Variants in CPZ observed in about 807,000 individuals in gnomAD.
CPZ encodes the protein carboxypeptidase Z.
Under a neutral mutation model 61.8 loss-of-function variants are expected in CPZ, and 103 were observed. That is an observed-to-expected ratio of 1.67 (90% CI 1.42 to 1.96). The LOEUF (loss-of-function observed/expected upper bound fraction) is 1.96, where lower values mean the gene tolerates loss of function less well. Among genes scored for constraint, CPZ ranks in the 30% most tolerant of loss-of-function variants. The pLI, the probability that CPZ is intolerant of heterozygous loss-of-function variation, is 0.00. For synonymous variants in CPZ, 551 were observed against 373.7 expected (o/e 1.47, Z -5.47); for missense variants, 1,461 against 914.9 (o/e 1.60, Z -7.70).
At chr4:8,618,964 G>A (rs1031164109) in intron 10 of CPZ, among the ~76,000 whole-genome samples, 1 of 152,128 alleles carries the variant, frequency 6.6e-6, no homozygotes, top group Non-Finnish European at 1.5e-5. Context: ...TGTGTTACCT[G>A]GCAGAGATGT....
At chr4:8,615,731 C>G (rs1716109351) in intron 9 of CPZ, among the ~76,000 whole-genome samples, 1 of 152,188 alleles carries the variant, frequency 6.6e-6, no homozygotes, top group Admixed American at 6.5e-5. Flanking sequence ...AGTGACATGG[C>G]CTGTCTGGTG....
chr4:8,603,953 G>C, intron 3 of CPZ, 23 bp from the exon 4 acceptor site: 5 of 1,605,978 alleles, frequency 3.1e-6, no homozygotes, highest in Non-Finnish European at 4.3e-6. Flanking sequence ...GACACTGACT[G>C]AGCCCCCCCA....
At chr4:8,593,559 C>T (rs547809719) in intron 1 of CPZ, among the ~76,000 whole-genome samples, 6 of 152,290 alleles carry the variant, frequency 3.9e-5, no homozygotes, top group Admixed American at 2.0e-4. Flanking sequence ...CCTGGGCTCC[C>T]GTCTGGCCTC....
rs1560297613 is a variant in CPZ, at chr4:8,609,046, C to CACTCA, written c.1227+1621_1227+1622insACTCA. On this transcript the variant is annotated intron_variant, in intron 7 of 10. Transcript: ENST00000360986. Reference sequence around the variant, plus strand: ...TCACTCCTTCACTCACCCATTCACTCCCTCCCTCCCTCACTCCCTCACTCA... The same window carrying CACTCA: ...TCACTCCTTCACTCACCCATTCACTCACTCACCTCCCTCCCTCACTCCCTCACTCA... Among the ~76,000 whole-genome samples, 509 of 86,714 alleles carry CACTCA rather than the reference C, an allele frequency of 5.9e-3. 13 individuals are homozygous for CACTCA. Among genetic ancestry groups the CACTCA allele is most frequent in the African/African-American group, 0.03 (484 of 16,314 alleles). 56.9% of individuals were successfully genotyped at this position (86,714 alleles called of 152,430 possible). A position where few individuals can be genotyped will look rare whatever the true frequency, so the allele number is the denominator to read the frequency against.
rs1310049146 is a variant in CPZ at position 8,618,982 on chromosome 4, A to C, written c.1604-280A>C. The stretch of plus-strand genomic sequence containing the variant: ...GTTACCTGGCAGAGATGTGGTCCAG[A>C]GAAGAGGGGGACTTTTGCTAACTGT... On this transcript the variant is annotated intron_variant, in intron 10 of 10. Transcript: ENST00000360986. 3.4e-5 allele frequency among the ~76,000 whole-genome samples: 5 copies of C among 147,226 alleles called. No individual in the cohort carries two copies. The East Asian group carries it at 1.1e-3, about 32-fold the overall frequency.
Position 8,592,784 on chromosome 4 carries a change from G to GC in CPZ, c.-47dup. The stretch of plus-strand genomic sequence containing the variant: ...GAGCGCAGAGCCCCGGCCCCGCGCG[G>GC]CCCGAGTGCCACATCACTGCGCTGG... On this transcript the variant is annotated 5_prime_UTR_variant, in exon 1 of 11. Transcript: ENST00000360986. 7.7e-7 allele frequency: 1 copy of GC among 1,296,304 alleles called. No individual in the cohort carries two copies. Among genetic ancestry groups the GC allele is most frequent in the Non-Finnish European group, 1.0e-6 (1 of 1,004,294 alleles). 80.3% of individuals were successfully genotyped at this position (1,296,304 alleles called of 1,614,324 possible). A position where few individuals can be genotyped will look rare whatever the true frequency, so the allele number is the denominator to read the frequency against.
chr4:8,618,224 A>C, intron 9 of CPZ: 2 of 589,532 alleles, frequency 3.4e-6, no homozygotes, highest in East Asian at 5.7e-5. Flanking sequence ...TGCTCGGGTC[A>C]ATTGCCAGGG....
chr4:8,598,618 T>C (rs1029585560), intron 1 of CPZ, among the ~76,000 whole-genome samples: 5 of 152,224 alleles, frequency 3.3e-5, no homozygotes, highest in African/African-American at 1.2e-4. Context: ...CCAGGTGGGC[T>C]CCGGCATGGG....
At chr4:8,610,611 G>C (rs1248193964) in intron 7 of CPZ, among the ~76,000 whole-genome samples, 2 of 152,234 alleles carry the variant, frequency 1.3e-5, no homozygotes, top group Admixed American at 6.5e-5. Context: ...GTAGAATGTA[G>C]CAGATGTGGC....
At chr4:8,593,659 C>A (rs1713963021) in intron 1 of CPZ, among the ~76,000 whole-genome samples, 1 of 152,070 alleles carries the variant, frequency 6.6e-6, no homozygotes, top group South Asian at 2.1e-4. Flanking sequence ...GGGAGTGGGG[C>A]CGTGTGTGGG....
rs374250963 is a variant in CPZ, at chr4:8,612,158, G to C, written c.1359G>C (p.Thr453=). 2 of 1,511,246 alleles carry C rather than the reference G, an allele frequency of 1.3e-6. No homozygotes were observed. The highest frequency in any genetic ancestry group is 1.4e-5 in the African/African-American group (1 of 69,746). 93.6% of individuals were successfully genotyped at this position (1,511,246 alleles called of 1,614,324 possible). ...ACGGGGCGGACTGGTACAGCTTCAC[G>C]GGAGGTGCGGCTTCCGCAGGGCGGG... ...IINGADWYSF[T]GGMSDFNYLH... The change falls in exon 8 of 11, where the codon ACG becomes ACC. Residue 453 remains threonine (T), a synonymous_variant. Transcript: ENST00000360986.
chr4:8,617,102 G>A (rs1256489385), intron 9 of CPZ, among the ~76,000 whole-genome samples: 1 of 152,244 alleles, frequency 6.6e-6, no homozygotes, highest in African/African-American at 2.4e-5. Flanking sequence ...TGGAACAGCA[G>A]TTAGGTGCCA....
chr4:8,615,628 G>C (rs1033706652), intron 9 of CPZ, among the ~76,000 whole-genome samples: 2 of 152,156 alleles, frequency 1.3e-5, no homozygotes, highest in African/African-American at 4.8e-5. Context: ...TGGAGTTGAG[G>C]TTCTGGCCTG....
At chr4:8,610,836 G>A (rs1448610182) in intron 7 of CPZ, among the ~76,000 whole-genome samples, 1 of 152,092 alleles carries the variant, frequency 6.6e-6, no homozygotes, top group Non-Finnish European at 1.5e-5. Flanking sequence ...GTGTCTGTGG[G>A]ACTGAGTCCA....
At chr4:8,610,548 A>C (rs1715565530) in intron 7 of CPZ, among the ~76,000 whole-genome samples, 1 of 149,890 alleles carries the variant, frequency 6.7e-6, no homozygotes, top group Non-Finnish European at 1.5e-5. Flanking sequence ...CTACCCCCCG[A>C]GGCTACACCC....
intron 9 of CPZ, among the ~76,000 whole-genome samples, 175 bp downstream of exon 9, chr4:8,614,673 G>A (rs777460215): frequency 3.9e-5 from 6 of 152,156 alleles, no homozygotes; most frequent in Non-Finnish European, 5.9e-5. Context: ...TACAGTAGCC[G>A]GCTCTCCTTT....
At chr4:8,600,335 T>C (rs577848342) in intron 2 of CPZ, among the ~76,000 whole-genome samples, 1 of 152,258 alleles carries the variant, frequency 6.6e-6, no homozygotes, top group African/African-American at 2.4e-5. Context: ...TTCTAGACTT[T>C]GACATGAGAC....
At chr4:8,607,014 C>A in intron 6 of CPZ, 116 bp downstream of exon 6, 1 of 1,247,748 alleles carries the variant, frequency 8.0e-7, no homozygotes, top group Non-Finnish European at 1.1e-6. Context: ...TGCTCCCTCC[C>A]TGCCTCAGTT....
In CPZ at chr4:8,595,215, T is replaced by A. The variant is rs1419738798; in HGVS notation, c.88+2294T>A. ...TCACACATCGCACACATTGGTTTGA[T>A]CTTGCCACATGTGAAGGGCTCAGTG... On this transcript the variant is annotated intron_variant, in intron 1 of 10. Coordinates refer to ENST00000360986, the MANE Select transcript of CPZ (RefSeq NM_001014447.3). Among the ~76,000 whole-genome samples, 5 of 152,252 alleles carry A rather than the reference T, an allele frequency of 3.3e-5. No homozygotes were observed. The East Asian group carries it at 9.6e-4, about 29-fold the overall frequency.
Sources: gnomAD v4.1 joint callset for allele counts (sites outside exome capture counted in the v4.1 genomes callset) on GRCh38, gnomAD v4.1.1 for gene constraint, MANE v1.5 for transcripts, NCBI Gene and HGNC (gene_info 2026-07-23, HGNC 2026-07-21) for gene names.